The following ST6GAL1 variants were observed in gnomAD, a reference collection of about 807,000 sequenced individuals.
ST6GAL1 encodes beta-galactoside alpha-2,6-sialyltransferase 1.
ST6GAL1 carries 20 observed loss-of-function variants against 38.0 expected under a neutral mutation model. That is an observed-to-expected ratio of 0.53 (90% confidence interval 0.37 to 0.77). ST6GAL1 has a LOEUF of 0.77. Among genes scored for constraint, ST6GAL1 ranks in the 30% least tolerant of loss-of-function variants. ST6GAL1 has a pLI of 0.00. For synonymous variants in ST6GAL1, 196 were observed against 188.2 expected (o/e 1.04, Z -0.34); for missense variants, 432 against 496.4 (o/e 0.87, Z 1.23).
At chr3:187,068,200 G>A (rs1393077674) in intron 5 of ST6GAL1, among the ~76,000 whole-genome samples, 2 of 152,064 alleles carry the variant, frequency 1.3e-5, no homozygotes, top group African/African-American at 4.8e-5. Context: ...AAATTAGCTG[G>A]GTGTGGTGGC....
At chr3:187,040,275 G>A (rs761317227) in intron 3 of ST6GAL1, among the ~76,000 whole-genome samples, 1 of 152,232 alleles carries the variant, frequency 6.6e-6, no homozygotes, top group Non-Finnish European at 1.5e-5. Context: ...TTACCACTCA[G>A]TGCACAGCAG....
chr3:186,992,294 TC>T, intron 2 of ST6GAL1, among the ~76,000 whole-genome samples: 2 of 152,198 alleles, frequency 1.3e-5, no homozygotes, highest in South Asian at 4.1e-4. Context: ...GTTTGGTACT[TC>T]CTCCTGCTGC....
At chr3:187,021,540 G>A (rs966446433) in intron 2 of ST6GAL1, among the ~76,000 whole-genome samples, 7 of 151,756 alleles carry the variant, frequency 4.6e-5, no homozygotes, top group African/African-American at 1.7e-4. Context: ...AGGAGTTCGA[G>A]ACCAGCCTGA....
At chr3:186,948,520 G>A (rs1012420809) in intron 1 of ST6GAL1, among the ~76,000 whole-genome samples, 3 of 148,582 alleles carry the variant, frequency 2.0e-5, no homozygotes, top group African/African-American at 7.4e-5. Flanking sequence ...TGGGGGTTCA[G>A]AAACTCTAGT....
chr3:187,035,959 T>A (rs745961088), intron 2 of ST6GAL1, among the ~76,000 whole-genome samples: 21 of 152,086 alleles, frequency 1.4e-4, no homozygotes, highest in South Asian at 1.0e-3. Flanking sequence ...ATCAACAGAA[T>A]AAACAGACAA....
chr3:186,954,581 T>C lies in ST6GAL1; in HGVS notation c.-324-9204T>C, dbSNP rs117999860. ...TGATTTGCATTTTTCTAATGATGCATGGTGTTGAGCATTTTTTCATATGTT... is the reference window on the plus strand; with the variant it reads ...TGATTTGCATTTTTCTAATGATGCACGGTGTTGAGCATTTTTTCATATGTT... On this transcript the variant is annotated intron_variant, in intron 1 of 7. Transcript: ENST00000169298. Among the ~76,000 whole-genome samples the C allele has an allele frequency of 3.5e-4, 53 of 152,358 alleles. 1 individual carries two copies. In the East Asian group the frequency reaches 7.3e-3, roughly 21 times the overall value.
chr3:186,934,671 A>G (rs1474574548), intron 1 of ST6GAL1, among the ~76,000 whole-genome samples: 3 of 152,340 alleles, frequency 2.0e-5, no homozygotes, highest in South Asian at 2.1e-4. Context: ...TGTTGAGGGC[A>G]TTAAGTCACA....
intron 2 of ST6GAL1, among the ~76,000 whole-genome samples, chr3:186,967,412 G>C (rs553622325): frequency 6.6e-6 from 1 of 152,174 alleles, no homozygotes; most frequent in South Asian, 2.1e-4. Flanking sequence ...GGCTGGTCTC[G>C]AGCTCCTGAC....
At chr3:186,988,905 G>GCCAGAC (rs1337019546) in intron 2 of ST6GAL1, among the ~76,000 whole-genome samples, 2 of 151,976 alleles carry the variant, frequency 1.3e-5, no homozygotes, top group African/African-American at 4.8e-5. Context: ...CAGAGCCAGA[G>GCCAGAC]CCAGACCCTG....
At chr3:187,054,201 T>C (rs1161103082) in intron 5 of ST6GAL1, among the ~76,000 whole-genome samples, 1 of 152,220 alleles carries the variant, frequency 6.6e-6, no homozygotes, top group Non-Finnish European at 1.5e-5. Context: ...GATTTTGAGC[T>C]GAGATGATGG....
intron 3 of ST6GAL1, among the ~76,000 whole-genome samples, chr3:187,040,298 C>A (rs116480182): frequency 0.06 from 9,116 of 152,300 alleles, 294 homozygotes; most frequent in Middle Eastern, 0.12. Flanking sequence ...ATGGCAGGTG[C>A]AGCACTGATG....
At chr3:187,074,128 C>T in intron 6 of ST6GAL1, 31 bp from the exon 7 acceptor site, 1 of 1,578,478 alleles carries the variant, frequency 6.3e-7, no homozygotes, top group Admixed American at 1.8e-5. Flanking sequence ...GCCCATTTCT[C>T]CCTTGAGAGG....
chr3:187,022,300 T>C (rs1717346188), intron 2 of ST6GAL1, among the ~76,000 whole-genome samples: 1 of 152,012 alleles, frequency 6.6e-6, no homozygotes. Context: ...GTGTTGATTG[T>C]TGTGGTGTGA....
chr3:186,953,200 A>G (rs1234939731), intron 1 of ST6GAL1, among the ~76,000 whole-genome samples: 2 of 152,160 alleles, frequency 1.3e-5, no homozygotes, highest in Non-Finnish European at 1.5e-5. Flanking sequence ...CTTCCGCTCA[A>G]AAACCAGGAA....
At chr3:186,972,664 T>C (rs1715390781) in intron 2 of ST6GAL1, among the ~76,000 whole-genome samples, 2 of 152,088 alleles carry the variant, frequency 1.3e-5, no homozygotes, top group South Asian at 4.1e-4. Flanking sequence ...CACAGAAGCA[T>C]GCACATAGTA....
intron 2 of ST6GAL1, among the ~76,000 whole-genome samples, chr3:186,966,416 T>A (rs1410896245): frequency 6.6e-6 from 1 of 152,196 alleles, no homozygotes; most frequent in Non-Finnish European, 1.5e-5. Context: ...TCTGCAAGAT[T>A]TCACAGCTCA....
Position 187,004,589 on chromosome 3 carries a change from G to A in ST6GAL1, c.-182-34153G>A, listed in dbSNP as rs184278439. Among the ~76,000 whole-genome samples the A allele has an allele frequency of 2.0e-3, 303 of 152,274 alleles. 2 individuals carry two copies. The highest frequency in any genetic ancestry group is 1.2e-3 in the Non-Finnish European group (85 of 68,018). ...TAGCAATATGTAATACACTAGAGTC[G>A]GGAGCGAGAATGATGTCCTGTTAGC... On this transcript the variant is annotated intron_variant, in intron 2 of 7. Coordinates refer to ENST00000169298, the MANE Select transcript of ST6GAL1 (RefSeq NM_173216.2).
intron 6 of ST6GAL1, chr3:187,073,822 C>G (rs1273773984): frequency 5.2e-6 from 1 of 193,832 alleles, no homozygotes; most frequent in African/African-American, 2.3e-5. Flanking sequence ...AGTTTTCTCC[C>G]CTTTAAAAAT....
At chr3:187,049,067 A>G (rs1011255740) in intron 4 of ST6GAL1, among the ~76,000 whole-genome samples, 1 of 151,596 alleles carries the variant, frequency 6.6e-6, no homozygotes, top group Non-Finnish European at 1.5e-5. Flanking sequence ...ATTTTTGTAT[A>G]TTTAGTAGAG....
Sources: gnomAD v4.1 joint callset for allele counts (sites outside exome capture counted in the v4.1 genomes callset) on GRCh38, gnomAD v4.1.1 for gene constraint, MANE v1.5 for transcripts, NCBI Gene and HGNC (gene_info 2026-07-23, HGNC 2026-07-21) for gene names.